The following NRXN3 variants were observed in gnomAD, a reference collection of about 807,000 sequenced individuals.
NRXN3 encodes neurexin III.
Under a neutral mutation model 137.6 loss-of-function variants are expected in NRXN3, and 32 were observed. The ratio of observed to expected loss-of-function variants is 0.23; its 90% confidence interval spans 0.18 to 0.31. NRXN3 has a LOEUF of 0.31. NRXN3 is among the 10% of genes least tolerant of loss of function. NRXN3 has a pLI of 1.00. For missense variants in NRXN3, 1,574 were observed against 2,062.5 expected, an observed-to-expected ratio of 0.76 and a Z score of 4.59; for synonymous variants, 798 against 784.5, an observed-to-expected ratio of 1.02 and a Z score of -0.29.
chr14:78,583,589 A>G (rs2097027388), intron 4 of NRXN3, among the ~76,000 whole-genome samples: 1 of 152,220 alleles, frequency 6.6e-6, no homozygotes, highest in Admixed American at 6.5e-5. Flanking sequence ...TTGTAATAGT[A>G]AAATTGGATC....
At chr14:79,770,422 A>G (rs1259468555) in intron 19 of NRXN3, among the ~76,000 whole-genome samples, 12 of 137,206 alleles carry the variant, frequency 8.7e-5, no homozygotes, top group East Asian at 4.1e-4. Flanking sequence ...ATAACAAACT[A>G]TCTCTCAGAC....
intron 16 of NRXN3, among the ~76,000 whole-genome samples, chr14:79,636,392 T>G (rs1401256005): frequency 2.0e-5 from 3 of 152,150 alleles, no homozygotes; most frequent in Non-Finnish European, 4.4e-5. Context: ...AGTTCTTTTG[T>G]TTTTTGTTTT....
intron 8 of NRXN3, among the ~76,000 whole-genome samples, chr14:78,755,372 G>T (rs1031019154): frequency 1.3e-5 from 2 of 151,910 alleles, no homozygotes; most frequent in Non-Finnish European, 2.9e-5. Context: ...ATAGGCTGTT[G>T]GTTCTATCAG....
At chr14:79,054,174 G>C (rs868868353) in intron 15 of NRXN3, among the ~76,000 whole-genome samples, 2 of 117,668 alleles carry the variant, frequency 1.7e-5, no homozygotes, top group South Asian at 3.7e-4. Flanking sequence ...GTGGGGGGAG[G>C]GGAGAGGGAT....
intron 4 of NRXN3, among the ~76,000 whole-genome samples, chr14:78,603,596 T>C (rs1417989814): frequency 6.6e-6 from 1 of 152,242 alleles, no homozygotes; most frequent in Non-Finnish European, 1.5e-5. Flanking sequence ...GAAAGACCTC[T>C]AAACAGTTAT....
chr14:78,931,655 A>G (rs550120285), intron 10 of NRXN3, among the ~76,000 whole-genome samples: 2 of 152,304 alleles, frequency 1.3e-5, no homozygotes, highest in Admixed American at 1.3e-4. Flanking sequence ...CAAAAGTTCA[A>G]TGCTTAACTC....
rs139385645 is a variant in NRXN3, at chr14:78,639,791, C to T, written c.758-5329C>T. ...TAGCGTTACAGTTTTGGAAATGGCA[C>T]TCCGTAGTACCTTGTATGACCCCTG... is the stretch of plus-strand genomic sequence containing the variant. On this transcript the variant is annotated intron_variant, in intron 4 of 20. Coordinates refer to ENST00000335750, the MANE Select transcript of NRXN3 (RefSeq NM_001330195.2). Among the ~76,000 whole-genome samples the T allele has an allele frequency of 6.0e-4, 91 of 152,202 alleles. 1 individual carries two copies. Among genetic ancestry groups the T allele is most frequent in the Middle Eastern group, 6.8e-3 (2 of 294 alleles).
chr14:79,274,051 C>T (rs922042333), intron 15 of NRXN3, among the ~76,000 whole-genome samples: 80 of 146,922 alleles, frequency 5.4e-4, no homozygotes, highest in African/African-American at 1.9e-3. Context: ...TGCATTGAGC[C>T]GAGATTACGC....
intron 15 of NRXN3, among the ~76,000 whole-genome samples, chr14:79,333,981 A>C (rs539366808): frequency 6.6e-6 from 1 of 152,310 alleles, no homozygotes; most frequent in South Asian, 2.1e-4. Flanking sequence ...CTGCACTTCC[A>C]GTGTAGTTCT....
At chr14:78,548,589 C>T (rs1372283099) in intron 4 of NRXN3, among the ~76,000 whole-genome samples, 1 of 152,198 alleles carries the variant, frequency 6.6e-6, no homozygotes, top group Non-Finnish European at 1.5e-5. Context: ...TTGCCTGCTT[C>T]TTCTAGAATC....
At chr14:79,325,041 T>C (rs1278052297) in intron 15 of NRXN3, among the ~76,000 whole-genome samples, 2 of 152,210 alleles carry the variant, frequency 1.3e-5, no homozygotes, top group African/African-American at 2.4e-5. Flanking sequence ...TGTATTTGTA[T>C]ACATTTATCT....
Position 78,888,848 on chromosome 14 carries a change from T to TACACACACACACACACACAC in NRXN3, c.2276-68389_2276-68370dup, listed in dbSNP as rs59053009. ...CTAGTTGGGAGAGTAATCACACACA[T>TACACACACACACACACACAC]ACACACACACACACACACACACACC... On this transcript the variant is annotated intron_variant, in intron 10 of 20. Transcript: ENST00000335750. Among the ~76,000 whole-genome samples, 934 of 146,396 alleles carry TACACACACACACACACACAC rather than the reference T, an allele frequency of 6.4e-3. 6 individuals are homozygous for TACACACACACACACACACAC. Among genetic ancestry groups the TACACACACACACACACACAC allele is most frequent in the African/African-American group, 0.022 (883 of 39,730 alleles).
intron 8 of NRXN3, among the ~76,000 whole-genome samples, chr14:78,780,504 A>C (rs2098765205): frequency 6.6e-6 from 1 of 152,186 alleles, no homozygotes; most frequent in African/African-American, 2.4e-5. Context: ...ATGATAAATT[A>C]AAAGACGAGC....
chr14:79,117,579 A>G (rs2054663527), intron 15 of NRXN3, among the ~76,000 whole-genome samples: 1 of 152,228 alleles, frequency 6.6e-6, no homozygotes. Flanking sequence ...TGTCAGTAGC[A>G]ATAAATTTGT....
At chr14:78,729,136 CTT>C (rs2098502158) in intron 8 of NRXN3, among the ~76,000 whole-genome samples, 1 of 152,212 alleles carries the variant, frequency 6.6e-6, no homozygotes, top group South Asian at 2.1e-4. Context: ...ATTCTTCTCT[CTT>C]TTAATTTTTA....
intron 4 of NRXN3, among the ~76,000 whole-genome samples, chr14:78,571,715 A>G (rs1315246866): frequency 1.3e-5 from 2 of 152,214 alleles, no homozygotes; most frequent in African/African-American, 4.8e-5. Flanking sequence ...ACATTCACGC[A>G]ACACAAAGTG....
intron 10 of NRXN3, among the ~76,000 whole-genome samples, chr14:78,928,115 G>GCTTT (rs530832346): frequency 2.6e-4 from 39 of 152,260 alleles, no homozygotes; most frequent in Non-Finnish European, 4.4e-4. Flanking sequence ...TTGTTAACCA[G>GCTTT]CTTTCCTCCC....
At chr14:78,688,092 T>C (rs2098139013) in intron 6 of NRXN3, among the ~76,000 whole-genome samples, 1 of 152,208 alleles carries the variant, frequency 6.6e-6, no homozygotes, top group East Asian at 1.9e-4. Flanking sequence ...ATATGATTCT[T>C]AAGATCGGAG....
chr14:79,126,852 T>C (rs998869245), intron 15 of NRXN3, among the ~76,000 whole-genome samples: 1 of 152,324 alleles, frequency 6.6e-6, no homozygotes, highest in East Asian at 1.9e-4. Flanking sequence ...TCCTGACTTT[T>C]TAATGATTGC....
Sources: allele counts gnomAD v4.1 joint callset (sites outside exome capture counted in the v4.1 genomes callset), GRCh38; gene constraint gnomAD v4.1.1; transcripts MANE v1.5; gene names NCBI Gene and HGNC (gene_info 2026-07-23, HGNC 2026-07-21).